NLGN1: variants seen among roughly 807,000 people sequenced by gnomAD.
NLGN1 encodes the protein neuroligin 1.
NLGN1 carries 12 observed loss-of-function variants against 65.5 expected under a neutral mutation model. The observed-to-expected ratio is 0.18, with a 90% CI of 0.12 to 0.30. NLGN1 has a LOEUF of 0.30. Among genes scored for constraint, NLGN1 ranks in the 10% least tolerant of loss-of-function variants. NLGN1 has a pLI of 1.00. For synonymous variants in NLGN1, 350 were observed against 359.5 expected (o/e 0.97, Z 0.30); for missense variants, 750 against 1,007.1 (o/e 0.74, Z 3.46).
intron 2 of NLGN1, among the ~76,000 whole-genome samples, chr3:173,602,736 A>G (rs1750741991): frequency 6.6e-6 from 1 of 152,016 alleles, no homozygotes; most frequent in African/African-American, 2.4e-5. Flanking sequence ...AGGTGTCAAA[A>G]CAGTGCATTT....
chr3:174,020,275 C>T (rs1372304737), intron 4 of NLGN1, among the ~76,000 whole-genome samples: 4 of 152,108 alleles, frequency 2.6e-5, no homozygotes, highest in Admixed American at 2.0e-4. Context: ...ATGAATATGA[C>T]ATAATTCTTT....
At chr3:174,116,512 AT>A (rs1230230785) in intron 4 of NLGN1, among the ~76,000 whole-genome samples, 1 of 151,176 alleles carries the variant, frequency 6.6e-6, no homozygotes, top group Non-Finnish European at 1.5e-5. Context: ...TAATATTTAT[AT>A]TTTTTGTAGA....
intron 4 of NLGN1, among the ~76,000 whole-genome samples, chr3:173,987,395 A>G (rs1211622623): frequency 6.6e-6 from 1 of 152,224 alleles, no homozygotes; most frequent in African/African-American, 2.4e-5. Flanking sequence ...AACAGGGAAA[A>G]TTAGGTCACC....
At chr3:174,215,147 T>C (rs887146874) in intron 4 of NLGN1, among the ~76,000 whole-genome samples, 1 of 152,160 alleles carries the variant, frequency 6.6e-6, no homozygotes, top group Non-Finnish European at 1.5e-5. Flanking sequence ...TTACCTAAAC[T>C]TTGAGTTTCA....
intron 2 of NLGN1, among the ~76,000 whole-genome samples, chr3:173,582,454 A>G (rs919680982): frequency 2.0e-5 from 3 of 152,022 alleles, no homozygotes; most frequent in Non-Finnish European, 4.4e-5. Flanking sequence ...CATTTTCATC[A>G]ATATTAAGTT....
chr3:173,882,313 A>T (rs1446248451), intron 4 of NLGN1, among the ~76,000 whole-genome samples: 3 of 152,150 alleles, frequency 2.0e-5, no homozygotes, highest in Non-Finnish European at 4.4e-5. Flanking sequence ...ATCTTAAATC[A>T]CCAGCTGCAT....
chr3:173,535,026 C>T (rs1737202561), intron 2 of NLGN1, among the ~76,000 whole-genome samples: 1 of 152,134 alleles, frequency 6.6e-6, no homozygotes, highest in Non-Finnish European at 1.5e-5. Flanking sequence ...TACCACTCTC[C>T]CCCAATCACA....
At chr3:174,027,868 T>C (rs1729151708) in intron 4 of NLGN1, among the ~76,000 whole-genome samples, 1 of 152,182 alleles carries the variant, frequency 6.6e-6, no homozygotes. Context: ...CACTTAAGTC[T>C]CACCTTGAAT....
At chr3:173,487,860 G>C (rs1216649817) in intron 2 of NLGN1, among the ~76,000 whole-genome samples, 2 of 151,864 alleles carry the variant, frequency 1.3e-5, no homozygotes, top group East Asian at 3.9e-4. Context: ...TTTTTAAACA[G>C]TAAGCAGCTG....
At chr3:173,707,395 G>A (rs1271748371) in intron 3 of NLGN1, among the ~76,000 whole-genome samples, 1 of 152,068 alleles carries the variant, frequency 6.6e-6, no homozygotes, top group Non-Finnish European at 1.5e-5. Flanking sequence ...GAAACTAAGG[G>A]AATAACAATA....
intron 3 of NLGN1, among the ~76,000 whole-genome samples, chr3:173,780,389 T>A (rs981993380): frequency 6.6e-6 from 1 of 152,188 alleles, no homozygotes; most frequent in Non-Finnish European, 1.5e-5. Context: ...AAAGTATGAA[T>A]CTCAAATAAG....
chr3:173,499,906 G>C (rs183040382), intron 2 of NLGN1, among the ~76,000 whole-genome samples: 1 of 151,722 alleles, frequency 6.6e-6, no homozygotes, highest in African/African-American at 2.4e-5. Context: ...CATTGATTTT[G>C]TATCCTGAGA....
At chr3:174,085,222 A>T (rs1175326899) in intron 4 of NLGN1, among the ~76,000 whole-genome samples, 1 of 152,022 alleles carries the variant, frequency 6.6e-6, no homozygotes, top group African/African-American at 2.4e-5. Context: ...GTATGTTTGA[A>T]AATTTTCCAG....
Position 173,411,786 on chromosome 3 carries a change from C to T in NLGN1, c.-390+13299C>T, listed in dbSNP as rs1054851028. Reference sequence around the variant, plus strand: ...TTCCAGTTATGAGGGCTTCTACCTACTTTTTCCTGCTTCTCTGGGTTACAT... The same window carrying T: ...TTCCAGTTATGAGGGCTTCTACCTATTTTTTCCTGCTTCTCTGGGTTACAT... On this transcript the variant is annotated intron_variant, in intron 1 of 6. Transcript: ENST00000457714. 2.0e-5 allele frequency among the ~76,000 whole-genome samples: 3 copies of T among 152,194 alleles called. No individual in the cohort carries two copies. The South Asian group carries it at 6.2e-4, about 32-fold the overall frequency.
Position 173,669,978 on chromosome 3 carries a change from G to T in NLGN1, c.493+64887G>T, listed in dbSNP as rs16829267. 2.7e-3 allele frequency among the ~76,000 whole-genome samples: 418 copies of T among 152,230 alleles called. 4 individuals carry two copies. The highest frequency in any genetic ancestry group is 9.8e-3 in the African/African-American group (405 of 41,520). ...TTGTTTACAGCATAATTAAAACTTT[G>T]TAAGGAATATGCATGTCTGAAATTT... On this transcript the variant is annotated intron_variant, in intron 3 of 6. Coordinates refer to ENST00000457714, the Ensembl canonical transcript of NLGN1.
chr3:174,150,013 C>T (rs1203805863), intron 4 of NLGN1, among the ~76,000 whole-genome samples: 3 of 152,120 alleles, frequency 2.0e-5, no homozygotes, highest in Non-Finnish European at 4.4e-5. Flanking sequence ...CATTTTACTA[C>T]TTTTCCCTGA....
chr3:173,899,285 T>A (rs1294813920), intron 4 of NLGN1, among the ~76,000 whole-genome samples: 2 of 152,108 alleles, frequency 1.3e-5, no homozygotes, highest in Non-Finnish European at 2.9e-5. Context: ...TCAGAGCAAT[T>A]AACACATTGA....
intron 4 of NLGN1, among the ~76,000 whole-genome samples, chr3:174,166,236 TTTAGAG>T (rs1469015540): frequency 6.6e-6 from 1 of 152,088 alleles, no homozygotes; most frequent in Non-Finnish European, 1.5e-5. Context: ...TTCTGCTAGC[TTTAGAG>T]TTAGTTTTTT....
intron 2 of NLGN1, among the ~76,000 whole-genome samples, chr3:173,484,801 CAAAG>C (rs1205803616): frequency 6.6e-6 from 1 of 152,008 alleles, no homozygotes; most frequent in Non-Finnish European, 1.5e-5. Context: ...TTATATGACT[CAAAG>C]GAACAGTGAT....
Sources: allele counts gnomAD v4.1 joint callset (sites outside exome capture counted in the v4.1 genomes callset), GRCh38; gene constraint gnomAD v4.1.1; transcripts MANE v1.5; gene names NCBI Gene and HGNC (gene_info 2026-07-23, HGNC 2026-07-21).